The following AMIGO3 variants were observed in gnomAD, a reference collection of about 807,000 sequenced individuals.
AMIGO3 encodes amphoterin-induced protein 3.
Under a neutral mutation model 4.3 loss-of-function variants are expected in AMIGO3, and 6 were observed. The observed-to-expected ratio is 1.39, with a 90% confidence interval of 0.76 to 2.75. The LOEUF (loss-of-function observed/expected upper bound fraction) is 2.75, where lower values mean the gene tolerates loss of function less well. Among genes scored for constraint, AMIGO3 ranks in the 30% most tolerant of loss-of-function variants. The pLI is 0.00. For synonymous variants in AMIGO3, 315 were observed against 320.0 expected, an observed-to-expected ratio of 0.98 and a Z score of 0.17; for missense variants, 771 against 692.1, an observed-to-expected ratio of 1.11 and a Z score of -1.28.
rs1338899735 is a variant in AMIGO3 at position 49,718,302 on chromosome 3, C to A, written c.1164G>T (p.Leu388=). ...GCACAAGGCCCACGGCACAGCCCAG[C>A]AGTGTGGTGAAGCCTGTGTTGAAAG... ...PEAFNTGFTT[L]LGCAVGLVLV... The change falls in exon 1 of 1, where the codon CTG becomes CTT. Residue 388 remains leucine (L), a synonymous_variant. Coordinates refer to ENST00000320431, the MANE Select transcript of AMIGO3 (RefSeq NM_198722.3). 7 of 1,613,104 alleles carry A rather than the reference C, an allele frequency of 4.3e-6. No individual in the cohort carries two copies. Among genetic ancestry groups the A allele is most frequent in the African/African-American group, 2.7e-5 (2 of 74,930 alleles).
At position 49,719,362 on chromosome 3, in the gene AMIGO3, G is replaced by A. The variant is rs2080334557; in HGVS notation, c.104C>T (p.Pro35Leu). The change falls in exon 1 of 1, where the codon CCC becomes CTC. Residue 35 changes from proline to leucine, a missense_variant. Physicochemically the swap from Pro to Leu is moderately conservative, Grantham distance 98 (BLOSUM62 -3). Transcript: ENST00000320431. Reference sequence around the variant, plus strand: ...GTCGGCAGCGCAGATACATTTGTAGGGGCAGTTGTGGAGCGCACGGGGCGG... The same window carrying A: ...GTCGGCAGCGCAGATACATTTGTAGAGGCAGTTGTGGAGCGCACGGGGCGG... ...GFPPRALHNCPYKCICAADLL... is the reference protein window; with the variant it reads ...GFPPRALHNCLYKCICAADLL... The A allele has an allele frequency of 3.7e-6, 6 of 1,613,432 alleles. No homozygotes were observed. Among genetic ancestry groups the A allele is most frequent in the Non-Finnish European group, 5.1e-6 (6 of 1,180,032 alleles).
rs1559690096 is a variant in AMIGO3, at chr3:49,718,064, C to T, written c.1402G>A (p.Val468Met). Residue 468 changes from valine to methionine, a missense_variant, in exon 1 of 1, where the codon GTG becomes ATG. Physicochemically the swap from Val to Met is conservative, Grantham distance 21. Coordinates refer to ENST00000320431, the MANE Select transcript of AMIGO3 (RefSeq NM_198722.3). Reference protein sequence around the residue: ...EPGRRGLNGRVQLAVAEEFDL... With the variant: ...EPGRRGLNGRMQLAVAEEFDL... ...AATTCCTCAGCTACTGCCAGCTGCACGCGGCCATTGAGGCCCCTCCGGCCT... is the reference window on the plus strand; with the variant it reads ...AATTCCTCAGCTACTGCCAGCTGCATGCGGCCATTGAGGCCCCTCCGGCCT... 1.9e-6 allele frequency: 3 copies of T among 1,613,662 alleles called. No homozygotes were observed. Among genetic ancestry groups the T allele is most frequent in the Non-Finnish European group, 2.5e-6 (3 of 1,180,048 alleles).
chr3:49,718,936 A>T lies in AMIGO3; in HGVS notation c.530T>A (p.Leu177Gln). The change falls in exon 1 of 1, where the codon CTG becomes CAG. Residue 177 changes from leucine (L) to glutamine (Q), a missense_variant. By Grantham distance (113) the Leu-to-Gln change is moderately radical. Coordinates refer to ENST00000320431, the MANE Select transcript of AMIGO3 (RefSeq NM_198722.3). ...NELASFSFDH[L>Q]HGLSATHLLT... ...CAGGTGGGTGGCGCTCAGACCGTGCAGGTGGTCGAAGGAGAACGAGGCGAG... is the reference window on the plus strand; with the variant it reads ...CAGGTGGGTGGCGCTCAGACCGTGCTGGTGGTCGAAGGAGAACGAGGCGAG... The T allele has an allele frequency of 6.2e-7, 1 of 1,613,750 alleles. No individual in the cohort carries two copies. Among genetic ancestry groups the T allele is most frequent in the South Asian group, 1.1e-5 (1 of 91,092 alleles).
In AMIGO3 at chr3:49,719,189, C is replaced by G. The variant is rs1291939916; in HGVS notation, c.277G>C (p.Asp93His). The change falls in exon 1 of 1, where the codon GAC (aspartate) becomes CAC (histidine). Residue 93 changes from aspartate (D) to histidine (H), a missense_variant. Physicochemically the swap from Asp to His is moderately conservative, Grantham distance 81 (BLOSUM62 -1). Transcript: ENST00000320431. ...PLFQLRALHL[D>H]HNELDALGRG... ...CCCAGCGCATCTAGTTCGTTGTGGT[C>G]TAGGTGCAGGGCGCGCAGCTGGAAG... The G allele has an allele frequency of 2.5e-6, 4 of 1,613,440 alleles. No homozygotes were observed. The South Asian group carries it at 4.4e-5, about 18-fold the overall frequency.
chr3:49,719,651 T>C lies in AMIGO3; in HGVS notation c.-186A>G, dbSNP rs1031445128. The C allele has an allele frequency of 3.4e-6, 2 of 584,064 alleles. No individual in the cohort carries two copies. The highest frequency in any genetic ancestry group is 3.1e-5 in the East Asian group (1 of 32,656). 36.2% of individuals were successfully genotyped at this position (584,064 alleles called of 1,614,324 possible). A position where few individuals can be genotyped will look rare whatever the true frequency, so the allele number is the denominator to read the frequency against. ...AGGTTGTGAGGCGGTGCGGCACTCTTAGCCGCGCTCCCTTCGGCTTCGCTA... is the reference window on the plus strand; with the variant it reads ...AGGTTGTGAGGCGGTGCGGCACTCTCAGCCGCGCTCCCTTCGGCTTCGCTA... On this transcript the variant is annotated 5_prime_UTR_variant, in exon 1 of 1. Transcript: ENST00000320431.
Position 49,718,250 on chromosome 3 carries a change from G to A in AMIGO3, c.1216C>T (p.Pro406Ser), listed in dbSNP as rs1465860852. Residue 406 changes from proline (P) to serine (S), a missense_variant, in exon 1 of 1, where the codon CCC (proline) becomes TCC (serine). Coordinates refer to ENST00000320431, the MANE Select transcript of AMIGO3 (RefSeq NM_198722.3). ...CAGGCACGGCGGCAGCAGCGGCAGG[G>A]TGGGGCGAACAGGTAGAGCAGCACG... Reference protein sequence around the residue: ...VLVLLYLFAPPCRCCRRACRC... With the variant: ...VLVLLYLFAPSCRCCRRACRC... 2 of 1,612,040 alleles carry A rather than the reference G, an allele frequency of 1.2e-6. No individual in the cohort carries two copies. Among genetic ancestry groups the A allele is most frequent in the East Asian group, 4.5e-5 (2 of 44,840 alleles).
rs1442962366 is a variant in AMIGO3, at chr3:49,719,669, C to T, written c.-204G>A. On this transcript the variant is annotated 5_prime_UTR_variant, in exon 1 of 1. Transcript: ENST00000320431. ...GCACTCTTAGCCGCGCTCCCTTCGG[C>T]TTCGCTAGCCCTCTCCAAGCGAGTT... The T allele has an allele frequency of 4.2e-5, 24 of 568,958 alleles. No individual in the cohort carries two copies. In the Middle Eastern group the frequency reaches 1.4e-3, roughly 33 times the overall value. 35.2% of individuals were successfully genotyped at this position (568,958 alleles called of 1,614,324 possible). A position where few individuals can be genotyped will look rare whatever the true frequency, so the allele number is the denominator to read the frequency against.
In AMIGO3 at chr3:49,718,825, A is replaced by G. The variant is rs751097518; in HGVS notation, c.641T>C (p.Leu214Pro). 1 of 1,613,402 alleles carries G rather than the reference A, an allele frequency of 6.2e-7. No individual in the cohort carries two copies. Among genetic ancestry groups the G allele is most frequent in the African/African-American group, 1.3e-5 (1 of 75,076 alleles). Residue 214 changes from leucine to proline, a missense_variant, in exon 1 of 1, where the codon CTC becomes CCC. Coordinates refer to ENST00000320431, the MANE Select transcript of AMIGO3 (RefSeq NM_198722.3). ...AGGCAAAGGGTTGTTGTGCAAGTAG[A>G]GGCCGTTCTTGAGGAAGGCCGGCAG... ...AALPAFLKNG[L>P]YLHNNPLPCD...
In AMIGO3 at chr3:49,718,249, G is replaced by C; in HGVS notation, c.1217C>G (p.Pro406Arg). The C allele has an allele frequency of 1.9e-6, 3 of 1,612,248 alleles. No homozygotes were observed. The highest frequency in any genetic ancestry group is 2.5e-6 in the Non-Finnish European group (3 of 1,179,502). Residue 406 changes from proline (P) to arginine (R), a missense_variant, in exon 1 of 1, where the codon CCC (proline) becomes CGC (arginine). Coordinates refer to ENST00000320431, the MANE Select transcript of AMIGO3 (RefSeq NM_198722.3). ...GCAGGCACGGCGGCAGCAGCGGCAG[G>C]GTGGGGCGAACAGGTAGAGCAGCAC... ...VLVLLYLFAPPCRCCRRACRC... is the reference protein window; with the variant it reads ...VLVLLYLFAPRCRCCRRACRC...
Position 49,718,189 on chromosome 3 carries a change from A to C in AMIGO3, c.1277T>G (p.Leu426Arg). ...CRRWPQTPSP[L>R]QELSAQSSVL... ...TGAGGACTGTGCGCTCAGCTCTTGG[A>C]GCGGGCTGGGTGTTTGGGGCCAGCG... Residue 426 changes from leucine to arginine, a missense_variant, in exon 1 of 1, where the codon CTC becomes CGC. By Grantham distance (102) the Leu-to-Arg change is moderately radical. Transcript: ENST00000320431. 1 of 1,612,826 alleles carries C rather than the reference A, an allele frequency of 6.2e-7. No homozygotes were observed. The highest frequency in any genetic ancestry group is 8.5e-7 in the Non-Finnish European group (1 of 1,179,870).
chr3:49,719,553 T>C lies in AMIGO3; in HGVS notation c.-88A>G, dbSNP rs2080341195. On this transcript the variant is annotated 5_prime_UTR_variant, in exon 1 of 1. Transcript: ENST00000320431. ...CTCTTCTGCTCTAGTGCGACATGGGTGGCACCGGATGGCCCTTGCCGAGGA... is the reference window on the plus strand; with the variant it reads ...CTCTTCTGCTCTAGTGCGACATGGGCGGCACCGGATGGCCCTTGCCGAGGA... 8.8e-7 allele frequency: 1 copy of C among 1,142,344 alleles called. No homozygotes were observed. Among genetic ancestry groups the C allele is most frequent in the African/African-American group, 1.6e-5 (1 of 63,998 alleles). 70.8% of individuals were successfully genotyped at this position (1,142,344 alleles called of 1,614,324 possible). A position where few individuals can be genotyped will look rare whatever the true frequency, so the allele number is the denominator to read the frequency against.
rs1255430381 is a variant in AMIGO3, at chr3:49,719,441, T to A, written c.25A>T (p.Thr9Ser). MTWLVLLGTLLCMLRVGLG... is the reference protein window; with the variant it reads MTWLVLLGSLLCMLRVGLG... ...CCAACGCGCAGCATGCAGAGCAGTG[T>A]CCCCAGCAGCACCAACCAGGTCATG... Residue 9 changes from threonine to serine, a missense_variant, in exon 1 of 1, where the codon ACA becomes TCA. Physicochemically the swap from Thr to Ser is moderately conservative, Grantham distance 58. Transcript: ENST00000320431. 3.7e-6 allele frequency: 6 copies of A among 1,612,984 alleles called. No individual in the cohort carries two copies. Among genetic ancestry groups the A allele is most frequent in the Non-Finnish European group, 5.1e-6 (6 of 1,179,886 alleles).
At position 49,718,878 on chromosome 3, in the gene AMIGO3, T is replaced by TC. The variant is rs1193612152; in HGVS notation, c.587dup (p.His197ThrfsTer6). ...CGGCCAGCTCAGGTACGGAGATGTG[T>TC]CCCAGCCGGTTGGAGGAGAGGTCCA... On this transcript the variant is annotated frameshift_variant, in exon 1 of 1. Transcript: ENST00000320431. LOFTEE classifies it low-confidence loss of function (END_TRUNC). 1.9e-6 allele frequency: 3 copies of TC among 1,613,506 alleles called. No homozygotes were observed. In the Admixed American group the frequency reaches 5.0e-5, roughly 27 times the overall value.
In AMIGO3 at chr3:49,718,492, C is replaced by T. The variant is rs1018486205; in HGVS notation, c.974G>A (p.Arg325His). 3 of 1,613,122 alleles carry T rather than the reference C, an allele frequency of 1.9e-6. No individual in the cohort carries two copies. Among genetic ancestry groups the T allele is most frequent in the East Asian group, 2.2e-5 (1 of 44,880 alleles). Reference protein sequence around the residue: ...QQELLRAPGSRDGSIAVLADG... With the variant: ...QQELLRAPGSHDGSIAVLADG... ...GGCCAGCACCGCGATGCTGCCATCG[C>T]GGGATCCTGGCGCCCTGAGAAGCTC... The change falls in exon 1 of 1, where the codon CGC becomes CAC. Residue 325 changes from arginine to histidine, a missense_variant. Physicochemically the swap from Arg to His is conservative, Grantham distance 29. Coordinates refer to ENST00000320431, the MANE Select transcript of AMIGO3 (RefSeq NM_198722.3).
Position 49,719,675 on chromosome 3 carries a change from T to C in AMIGO3, c.-210A>G, listed in dbSNP as rs981270969. The C allele has an allele frequency of 1.3e-5, 7 of 555,008 alleles. No homozygotes were observed. The highest frequency in any genetic ancestry group is 1.9e-5 in the African/African-American group (1 of 51,614). 34.4% of individuals were successfully genotyped at this position (555,008 alleles called of 1,614,324 possible). A position where few individuals can be genotyped will look rare whatever the true frequency, so the allele number is the denominator to read the frequency against. ...TTAGCCGCGCTCCCTTCGGCTTCGCTAGCCCTCTCCAAGCGAGTTCCTGAT... is the reference window on the plus strand; with the variant it reads ...TTAGCCGCGCTCCCTTCGGCTTCGCCAGCCCTCTCCAAGCGAGTTCCTGAT... On this transcript the variant is annotated 5_prime_UTR_variant, in exon 1 of 1. Coordinates refer to ENST00000320431, the MANE Select transcript of AMIGO3 (RefSeq NM_198722.3).
Position 49,718,017 on chromosome 3 carries a change from G to A in AMIGO3, c.1449C>T (p.Gly483=), listed in dbSNP as rs779108889. The A allele has an allele frequency of 6.2e-7, 1 of 1,613,664 alleles. No homozygotes were observed. Among genetic ancestry groups the A allele is most frequent in the Non-Finnish European group, 8.5e-7 (1 of 1,180,036 alleles). ...AEEFDLYNPG[G]LQLKAGSESA... The stretch of plus-strand genomic sequence containing the variant: ...ACTCAGAGCCAGCCTTCAGCTGCAG[G>A]CCTCCAGGGTTGTAGAGATCGAATT... Residue 483 remains glycine (G), a synonymous_variant, in exon 1 of 1, where the codon GGC becomes GGT. Coordinates refer to ENST00000320431, the MANE Select transcript of AMIGO3 (RefSeq NM_198722.3).
rs746560357 is a variant in AMIGO3, at chr3:49,719,106, C to G, written c.360G>C (p.Thr120=). Residue 120 remains threonine, a synonymous_variant, in exon 1 of 1, where the codon ACG becomes ACC. Transcript: ENST00000320431. ...GLRLLDLSSN[T]LRALGRHDLD... ...GGTCGTGGCGGCCAAGCGCCCGCAA[C>G]GTGTTAGATGATAGATCGAGCAGCC... The G allele has an allele frequency of 6.2e-7, 1 of 1,613,430 alleles. No homozygotes were observed. Among genetic ancestry groups the G allele is most frequent in the South Asian group, 1.1e-5 (1 of 91,084 alleles).
In AMIGO3 at chr3:49,717,728, G is replaced by T. The variant is rs1475524830; in HGVS notation, c.*223C>A. Reference sequence around the variant, plus strand: ...ACTAGCACACCTTGCAGGGCCTGGGGCCTTTGGGTCCTGTGCAGGGGCAGA... The same window carrying T: ...ACTAGCACACCTTGCAGGGCCTGGGTCCTTTGGGTCCTGTGCAGGGGCAGA... On this transcript the variant is annotated 3_prime_UTR_variant, in exon 1 of 1. Transcript: ENST00000320431. The T allele has an allele frequency of 1.2e-5, 7 of 607,326 alleles. No individual in the cohort carries two copies. The East Asian group carries it at 2.0e-4, about 17-fold the overall frequency. The allele number at this position is 607,326 out of a possible 1,614,324, so 37.6% of individuals were successfully genotyped here.
Position 49,719,420 on chromosome 3 carries a change from C to T in AMIGO3, c.46G>A (p.Val16Ile), listed in dbSNP as rs755824523. Reference protein sequence around the residue: ...LLGTLLCMLRVGLGTPDSEGF... With the variant: ...LLGTLLCMLRIGLGTPDSEGF... Reference sequence around the variant, plus strand: ...TCGGAGTCCGGGGTGCCTAACCCAACGCGCAGCATGCAGAGCAGTGTCCCC... The same window carrying T: ...TCGGAGTCCGGGGTGCCTAACCCAATGCGCAGCATGCAGAGCAGTGTCCCC... The change falls in exon 1 of 1, where the codon GTT becomes ATT. Residue 16 changes from valine (V) to isoleucine (I), a missense_variant. Coordinates refer to ENST00000320431, the MANE Select transcript of AMIGO3 (RefSeq NM_198722.3). 6 of 1,613,596 alleles carry T rather than the reference C, an allele frequency of 3.7e-6. No homozygotes were observed. Among genetic ancestry groups the T allele is most frequent in the Non-Finnish European group, 5.1e-6 (6 of 1,180,004 alleles).
Sources: gnomAD v4.1 joint callset for allele counts on GRCh38, gnomAD v4.1.1 for gene constraint, MANE v1.5 for transcripts, NCBI Gene and HGNC (gene_info 2026-07-23, HGNC 2026-07-21) for gene names.